Variants in DNMT1 observed in about 807,000 individuals in gnomAD.
The protein encoded by DNMT1 is DNA methyltransferase 1, also known as DNA (cytosine-5)-methyltransferase 1.
A neutral mutation model predicts 205.3 loss-of-function variants in DNMT1; 24 were observed. That is an observed-to-expected ratio of 0.12 (90% CI 0.08 to 0.16). The LOEUF (loss-of-function observed/expected upper bound fraction) is 0.16, where lower values mean the gene tolerates loss of function less well. DNMT1 is among the 10% of genes least tolerant of loss of function. The probability of loss-of-function intolerance (pLI) is 1.00; values close to 1 mark genes in which losing one functional copy is unlikely to be tolerated. For synonymous variants in DNMT1, 817 were observed against 839.8 expected, an observed-to-expected ratio of 0.97 and a Z score of 0.47; for missense variants, 1,293 against 2,177.7, an observed-to-expected ratio of 0.59 and a Z score of 8.09.
intron 39 of DNMT1, 115 bp downstream of exon 39, chr19:10,135,621 A>AC (rs1334456651): frequency 9.1e-7 from 1 of 1,095,304 alleles, no homozygotes; most frequent in Non-Finnish European, 1.3e-6. Flanking sequence ...TGATGGGGCT[A>AC]CCCGGCAGCC....
rs967353327 is a variant in DNMT1, at chr19:10,146,086, C to T, written c.2894+265G>A. 3.9e-5 allele frequency among the ~76,000 whole-genome samples: 6 copies of T among 152,330 alleles called. No homozygotes were observed. The highest frequency in any genetic ancestry group is 3.3e-4 in the Admixed American group (5 of 15,298). On this transcript the variant is annotated intron_variant, in intron 28 of 40. Transcript: ENST00000359526. This position sits in a 1 kb window ranked among gnomAD's most constrained non-coding sequence, Gnocchi z 4.4. ...TCAGATGATTCCCCACTGCCTCGGC[C>T]TCCCAAAGCGCTGGGATTACAGGCG...
intron 24 of DNMT1, 81 bp from the exon 25 acceptor site, chr19:10,150,049 A>C: frequency 8.4e-7 from 1 of 1,193,942 alleles, no homozygotes; most frequent in Non-Finnish European, 1.3e-6. Context: ...TCTGTTACTT[A>C]AAGTAAGACA....
chr19:10,185,887 G>A (rs1171204424), intron 1 of DNMT1, among the ~76,000 whole-genome samples: 2 of 151,122 alleles, frequency 1.3e-5, no homozygotes, highest in African/African-American at 2.4e-5. Flanking sequence ...AGGATTTCCA[G>A]GAGCACAAGG....
chr19:10,187,812 G>A (rs959718202), intron 1 of DNMT1, among the ~76,000 whole-genome samples: 2 of 152,116 alleles, frequency 1.3e-5, no homozygotes, highest in Non-Finnish European at 2.9e-5. Flanking sequence ...AGACCAGCCT[G>A]AGCAACACAG....
chr19:10,141,629 C>A (rs2089602013), intron 30 of DNMT1: 1 of 340,292 alleles, frequency 2.9e-6, no homozygotes, highest in African/African-American at 2.1e-5. Context: ...GGCATGTGGG[C>A]TGGGCCTGGA....
chr19:10,174,003 T>C, intron 7 of DNMT1, 98 bp from the exon 8 acceptor site: 2 of 1,226,132 alleles, frequency 1.6e-6, no homozygotes, highest in Admixed American at 3.4e-5. Context: ...ACATTTGACA[T>C]GGTTAGAGCA....
rs1156398639 is a variant in DNMT1, at chr19:10,159,966, C to A, written c.1090-44G>T. On this transcript the variant is annotated intron_variant, in intron 15 of 40. Transcript: ENST00000359526. This position sits in a 1 kb window ranked among gnomAD's most constrained non-coding sequence, Gnocchi z 5.0. ...AGATGATGGCACTCAGAGAGCAGCT[C>A]CCAGCCGCCTCGTGAGCGCCGCCAC... is the stretch of plus-strand genomic sequence containing the variant. The A allele has an allele frequency of 1.2e-6, 2 of 1,614,068 alleles. No homozygotes were observed. Among genetic ancestry groups the A allele is most frequent in the Non-Finnish European group, 1.7e-6 (2 of 1,180,044 alleles).
At chr19:10,186,905 G>A (rs10422231) in intron 1 of DNMT1, among the ~76,000 whole-genome samples, 1,862 of 148,222 alleles carry the variant, frequency 0.013, 37 homozygotes, top group African/African-American at 0.041. Context: ...TACAGCTCAC[G>A]CCTGCGGGAT....
At chr19:10,136,063 G>A in intron 38 of DNMT1, 58 bp downstream of exon 38, 1 of 1,611,030 alleles carries the variant, frequency 6.2e-7, no homozygotes. Context: ...CTTCCACCTA[G>A]TTAGGCCGCC....
intron 39 of DNMT1, 77 bp from the exon 40 acceptor site, chr19:10,134,384 C>A: frequency 7.2e-7 from 1 of 1,391,170 alleles, no homozygotes; most frequent in South Asian, 1.2e-5. Context: ...CTGCCAGCCC[C>A]TGCTCAGATG....
In DNMT1 at chr19:10,133,789, G is replaced by A; in HGVS notation, c.4865-88C>T. The A allele has an allele frequency of 7.1e-7, 1 of 1,408,946 alleles. No homozygotes were observed. Among genetic ancestry groups the A allele is most frequent in the South Asian group, 1.2e-5 (1 of 81,120 alleles). The allele number at this position is 1,408,946 out of a possible 1,614,324, so 87.3% of individuals were successfully genotyped here. ...GGCGAGTAACAGACATGGACCATCA[G>A]GAAACATTAACGTACTGATGTTAAC... On this transcript the variant is annotated intron_variant, in intron 40 of 40. Transcript: ENST00000359526. This position sits in a 1 kb window ranked among gnomAD's most constrained non-coding sequence, Gnocchi z 4.1.
intron 1 of DNMT1, among the ~76,000 whole-genome samples, chr19:10,190,246 A>G (rs1046016458): frequency 3.3e-5 from 5 of 152,176 alleles, no homozygotes; most frequent in Non-Finnish European, 7.3e-5. Context: ...TGCTAGCATC[A>G]GTGTTAATCC....
Position 10,137,037 on chromosome 19 carries a change from GCCTT to G in DNMT1, c.4489+44_4489+47del. On this transcript the variant is annotated intron_variant, in intron 37 of 40. Coordinates refer to ENST00000359526, the MANE Select transcript of DNMT1 (RefSeq NM_001130823.3). The surrounding 1 kb of genome is among the most constrained non-coding windows in gnomAD (Gnocchi z 6.4). ...TCACAGGCCAAAGGCCCAGGGCTCTGCCTTCCTTCCCCTCAGCCCACCGGGAACC... is the reference window on the plus strand; with the variant it reads ...TCACAGGCCAAAGGCCCAGGGCTCTGCCTTCCCCTCAGCCCACCGGGAACC... 1 of 1,587,080 alleles carries G rather than the reference GCCTT, an allele frequency of 6.3e-7. No individual in the cohort carries two copies. Among genetic ancestry groups the G allele is most frequent in the Non-Finnish European group, 8.6e-7 (1 of 1,166,912 alleles).
chr19:10,165,800 A>G (rs1470085135), intron 11 of DNMT1, among the ~76,000 whole-genome samples: 1 of 152,116 alleles, frequency 6.6e-6, no homozygotes, highest in Non-Finnish European at 1.5e-5. Context: ...AGTCTGAAGG[A>G]GTGCTGACAG....
chr19:10,148,795 C>T (rs2038262887), intron 27 of DNMT1, 89 bp downstream of exon 27: 7 of 1,607,398 alleles, frequency 4.4e-6, no homozygotes, highest in East Asian at 2.2e-5. Context: ...GGGCCGTTGG[C>T]GGAAGCCAAC....
chr19:10,168,793 T>C (rs896451619), intron 9 of DNMT1, among the ~76,000 whole-genome samples: 1 of 152,224 alleles, frequency 6.6e-6, no homozygotes, highest in Admixed American at 6.5e-5. Flanking sequence ...ATCTGAAAAG[T>C]AGCTCCAACT....
intron 22 of DNMT1, among the ~76,000 whole-genome samples, chr19:10,153,665 T>C (rs998989502): frequency 2.0e-5 from 3 of 150,408 alleles, no homozygotes; most frequent in African/African-American, 4.9e-5. Context: ...AAAAAGATTT[T>C]AGAAGTTATA....
intron 1 of DNMT1, chr19:10,194,580 T>C (rs2039367314): frequency 2.0e-6 from 1 of 488,096 alleles, no homozygotes; most frequent in East Asian, 3.8e-5. Flanking sequence ...CCACCCCGCC[T>C]AGTTTCTAGC....
chr19:10,194,706 A>C, intron 1 of DNMT1, 114 bp downstream of exon 1: 1 of 1,379,424 alleles, frequency 7.2e-7, no homozygotes, highest in Non-Finnish European at 9.7e-7. Context: ...GCACCACCCC[A>C]CGCATGCGCG....
Sources: allele counts gnomAD v4.1 joint callset (sites outside exome capture counted in the v4.1 genomes callset), GRCh38; gene constraint gnomAD v4.1.1; non-coding constraint Gnocchi (gnomAD v3.1); transcripts MANE v1.5; gene names NCBI Gene and HGNC (gene_info 2026-07-23, HGNC 2026-07-21).